TBCD: variants seen among roughly 807,000 people sequenced by gnomAD.
The protein encoded by TBCD is tubulin-specific chaperone D.
Under a neutral mutation model 169.3 loss-of-function variants are expected in TBCD, and 105 were observed. That is an observed-to-expected ratio of 0.62 (90% confidence interval 0.53 to 0.73). The LOEUF (loss-of-function observed/expected upper bound fraction) is 0.73. Among genes scored for constraint, TBCD ranks in the 30% least tolerant of loss-of-function variants. The probability of loss-of-function intolerance (pLI) is 0.00; values close to 1 mark genes in which losing one functional copy is unlikely to be tolerated. For missense variants in TBCD, 1,444 were observed against 1,600.1 expected, an observed-to-expected ratio of 0.90 and a Z score of 1.66; for synonymous variants, 700 against 643.9, an observed-to-expected ratio of 1.09 and a Z score of -1.32.
At chr17:82,830,763 G>A in intron 13 of TBCD, 2 of 1,613,914 alleles carry the variant, frequency 1.2e-6, no homozygotes, top group African/African-American at 2.7e-5. Context: ...CTGATTTCTT[G>A]GAGAGGTTGA....
Position 82,890,879 on chromosome 17 carries a change from G to T in TBCD, c.1563+1182G>T, listed in dbSNP as rs935337197. 6.6e-6 allele frequency among the ~76,000 whole-genome samples: 1 copy of T among 152,224 alleles called. No homozygotes were observed. Among genetic ancestry groups the T allele is most frequent in the African/African-American group, 2.4e-5 (1 of 41,464 alleles). ...ATGTGAACGAGGTTTGGTCTTTTGA[G>T]TGGAGAGTGTGGCTGCTGTGAGGAA... is the stretch of plus-strand genomic sequence containing the variant. On this transcript the variant is annotated intron_variant, in intron 16 of 38. Transcript: ENST00000355528. This position sits in a 1 kb window ranked among gnomAD's most constrained non-coding sequence, Gnocchi z 5.3.
At chr17:82,933,184 C>G (rs1319734699) in intron 34 of TBCD, among the ~76,000 whole-genome samples, 1 of 151,698 alleles carries the variant, frequency 6.6e-6, no homozygotes, top group Non-Finnish European at 1.5e-5. Flanking sequence ...ATGCCCCAGG[C>G]TGGTCTCAGC....
intron 2 of TBCD, among the ~76,000 whole-genome samples, chr17:82,763,655 A>G (rs1272552230): frequency 6.6e-6 from 1 of 152,080 alleles, no homozygotes; most frequent in East Asian, 1.9e-4. Context: ...GGAGGAGAAT[A>G]GCCTGAACCC....
At chr17:82,785,769 G>A (rs1485309905) in intron 7 of TBCD, among the ~76,000 whole-genome samples, 27 of 140,986 alleles carry the variant, frequency 1.9e-4, no homozygotes, top group African/African-American at 5.7e-4. Flanking sequence ...TGTGTGACTG[G>A]GACCACTGGA....
intron 21 of TBCD, 126 bp from the exon 22 acceptor site, chr17:82,909,159 C>CA: frequency 1.4e-6 from 1 of 717,566 alleles, no homozygotes; most frequent in Non-Finnish European, 2.3e-6. Context: ...GCCCCCTAGG[C>CA]GGCTCTCCTG....
rs1322260765 is a variant in TBCD, at chr17:82,832,753, C to G, written c.1318+17819C>G. ...AAGCAGAACCCCTGAAGGGCTGAAACTGCCTGCTCCTGAGGGGAGCAGCTG... is the reference window on the plus strand; with the variant it reads ...AAGCAGAACCCCTGAAGGGCTGAAAGTGCCTGCTCCTGAGGGGAGCAGCTG... On this transcript the variant is annotated intron_variant, in intron 13 of 38. Transcript: ENST00000355528. The surrounding 1 kb of genome is among the most constrained non-coding windows in gnomAD (Gnocchi z 4.9). 3 of 461,718 alleles carry G rather than the reference C, an allele frequency of 6.5e-6. No individual in the cohort carries two copies. The highest frequency in any genetic ancestry group is 1.2e-5 in the Non-Finnish European group (3 of 251,428). 28.6% of individuals were successfully genotyped at this position (461,718 alleles called of 1,614,324 possible). A position where few individuals can be genotyped will look rare whatever the true frequency, so the allele number is the denominator to read the frequency against.
At chr17:82,820,068 T>C (rs1415198129) in intron 13 of TBCD, among the ~76,000 whole-genome samples, 1 of 151,632 alleles carries the variant, frequency 6.6e-6, no homozygotes, top group East Asian at 1.9e-4. Flanking sequence ...CAGCTCCATC[T>C]CCCAGGTTCA....
At chr17:82,755,610 G>A (rs984730745) in intron 1 of TBCD, among the ~76,000 whole-genome samples, 2 of 152,132 alleles carry the variant, frequency 1.3e-5, no homozygotes, top group African/African-American at 4.8e-5. Context: ...GTATAATGAG[G>A]CCTATGTGGA....
At chr17:82,914,046 G>C (rs145519018) in intron 23 of TBCD, 4 of 152,444 alleles carry the variant, frequency 2.6e-5, no homozygotes, top group African/African-American at 9.6e-5. Context: ...GGAAAGACTT[G>C]AGACAAAGTA....
Position 82,782,458 on chromosome 17 carries a change from C to T in TBCD, c.771+737C>T, listed in dbSNP as rs1436193273. Among the ~76,000 whole-genome samples the T allele has an allele frequency of 2.0e-5, 3 of 152,136 alleles. No individual in the cohort carries two copies. Among genetic ancestry groups the T allele is most frequent in the Non-Finnish European group, 2.9e-5 (2 of 68,022 alleles). On this transcript the variant is annotated intron_variant, in intron 7 of 38. Coordinates refer to ENST00000355528, the MANE Select transcript of TBCD (RefSeq NM_005993.5). The surrounding 1 kb of genome is among the most constrained non-coding windows in gnomAD (Gnocchi z 5.1). ...GAGAGCACTTCTCATCCTTGTCTCA[C>T]GCTGTGGAGCCTGTGGTCCCTCTGA... is the stretch of plus-strand genomic sequence containing the variant.
intron 14 of TBCD, among the ~76,000 whole-genome samples, chr17:82,882,914 G>C (rs979710353): frequency 4.6e-5 from 7 of 152,102 alleles, no homozygotes; most frequent in African/African-American, 1.7e-4. Flanking sequence ...CGGTGTCCGC[G>C]CTGCCAGGCT....
At chr17:82,813,341 C>T (rs1230154315) in intron 12 of TBCD, among the ~76,000 whole-genome samples, 1 of 152,126 alleles carries the variant, frequency 6.6e-6, no homozygotes. Context: ...CTGTTGTCTT[C>T]CCTCCTCTGA....
At chr17:82,761,952 C>A (rs1364151300) in intron 2 of TBCD, among the ~76,000 whole-genome samples, 1 of 149,726 alleles carries the variant, frequency 6.7e-6, no homozygotes, top group Non-Finnish European at 1.5e-5. Flanking sequence ...TGGTCTCGAT[C>A]TCCTGACCTC....
chr17:82,889,253 G>A lies in TBCD; in HGVS notation c.1534-415G>A, dbSNP rs138753130. ...CCTATTGACACCGTGCCATGGGTGC[G>A]GGCAGGGCGCCCTCCCTGGAGGGCG... On this transcript the variant is annotated intron_variant, in intron 15 of 38. Coordinates refer to ENST00000355528, the MANE Select transcript of TBCD (RefSeq NM_005993.5). The surrounding 1 kb of genome is among the most constrained non-coding windows in gnomAD (Gnocchi z 5.3). 0.02 allele frequency among the ~76,000 whole-genome samples: 3,044 copies of A among 152,222 alleles called. 93 individuals carry two copies. The highest frequency in any genetic ancestry group is 0.068 in the African/African-American group (2,836 of 41,528).
rs1465219710 is a variant in TBCD at position 82,922,232 on chromosome 17, G to A, written c.2178+655G>A. Among the ~76,000 whole-genome samples the A allele has an allele frequency of 4.6e-5, 7 of 152,130 alleles. No individual in the cohort carries two copies. The highest frequency in any genetic ancestry group is 7.4e-5 in the Non-Finnish European group (5 of 68,020). Reference sequence around the variant, plus strand: ...AAAAATTAGCGGGGCGAGGTGGCGCGTGCCTGTAATCCCAGCTACTCAAGA... The same window carrying A: ...AAAAATTAGCGGGGCGAGGTGGCGCATGCCTGTAATCCCAGCTACTCAAGA... On this transcript the variant is annotated intron_variant, in intron 25 of 38. Transcript: ENST00000355528. The surrounding 1 kb of genome is among the most constrained non-coding windows in gnomAD (Gnocchi z 4.1).
At chr17:82,763,068 A>C (rs1407282614) in intron 2 of TBCD, among the ~76,000 whole-genome samples, 5 of 152,186 alleles carry the variant, frequency 3.3e-5, no homozygotes, top group Non-Finnish European at 7.3e-5. Context: ...AATGTCACGT[A>C]AGTAAGGTGG....
chr17:82,780,624 C>CA (rs1310065194), intron 6 of TBCD, among the ~76,000 whole-genome samples: 4 of 123,862 alleles, frequency 3.2e-5, no homozygotes, highest in Non-Finnish European at 5.0e-5. Flanking sequence ...GACTCCATCT[C>CA]AAAAAAAAGG....
At chr17:82,809,400 C>T (rs544549556) in intron 11 of TBCD, among the ~76,000 whole-genome samples, 58 of 152,254 alleles carry the variant, frequency 3.8e-4, no homozygotes, top group African/African-American at 1.3e-3. Context: ...CCTCAGCGTT[C>T]GCCTGCTGCC....
intron 4 of TBCD, among the ~76,000 whole-genome samples, chr17:82,767,894 G>T (rs796919052): frequency 7.9e-5 from 12 of 151,968 alleles, no homozygotes; most frequent in African/African-American, 2.9e-4. Context: ...GGTGGAGCTT[G>T]CAGTGAGCGA....
Sources: allele counts gnomAD v4.1 joint callset (sites outside exome capture counted in the v4.1 genomes callset), GRCh38; gene constraint gnomAD v4.1.1; non-coding constraint Gnocchi (gnomAD v3.1); transcripts MANE v1.5; gene names NCBI Gene and HGNC (gene_info 2026-07-23, HGNC 2026-07-21).